The following ZC3H12B variants were observed in gnomAD, a reference collection of about 807,000 sequenced individuals.
ZC3H12B encodes the protein probable ribonuclease ZC3H12B.
Under a neutral mutation model 43.9 loss-of-function variants are expected in ZC3H12B, and 7 were observed. That is an observed-to-expected ratio of 0.16 (90% CI 0.09 to 0.30). ZC3H12B has a LOEUF of 0.30. Among genes scored for constraint, ZC3H12B ranks in the 10% least tolerant of loss-of-function variants. The pLI is 1.00. For synonymous variants in ZC3H12B, 222 were observed against 241.7 expected (o/e 0.92, Z 0.76); for missense variants, 475 against 670.2 (o/e 0.71, Z 3.22).
chrX:65,233,560 A>T, the ZC3H12B span, among the ~76,000 whole-genome samples: 468 of 110,547 alleles, frequency 4.2e-3, no homozygotes, highest in Non-Finnish European at 6.4e-3. Context: ...AATGAAAATT[A>T]AAACAAAACA....
chrX:65,471,862 A>T (rs751492384), intron 3 of ZC3H12B, among the ~76,000 whole-genome samples: 1 of 111,389 alleles, frequency 9.0e-6, no homozygotes, highest in Non-Finnish European at 1.9e-5. Flanking sequence ...CATTATGAGG[A>T]TTGTTACTTA....
At chrX:65,249,646 A>C in the ZC3H12B span, among the ~76,000 whole-genome samples, 3 of 111,562 alleles carry the variant, frequency 2.7e-5, no homozygotes, top group Non-Finnish European at 5.6e-5. Context: ...TGCTTTTGGC[A>C]GTATGATCAT....
chrX:65,282,864 A>C, the ZC3H12B span, among the ~76,000 whole-genome samples: 4 of 111,710 alleles, frequency 3.6e-5, no homozygotes, highest in African/African-American at 1.3e-4. Context: ...CCAGGACCTG[A>C]CGGATTCACA....
the ZC3H12B span, among the ~76,000 whole-genome samples, chrX:65,064,280 T>C: frequency 8.9e-6 from 1 of 112,190 alleles, no homozygotes; most frequent in East Asian, 2.8e-4. Context: ...GTTTCTGATG[T>C]GGGTATTTAA....
At chrX:65,230,614 A>G in the ZC3H12B span, among the ~76,000 whole-genome samples, 1 of 108,919 alleles carries the variant, frequency 9.2e-6, no homozygotes, top group Non-Finnish European at 1.9e-5. Context: ...CCAGCGCCAA[A>G]AAAAAAAAAA....
intron 2 of ZC3H12B, among the ~76,000 whole-genome samples, chrX:65,378,156 G>A (rs1346670988): frequency 1.8e-5 from 2 of 110,013 alleles, no homozygotes; most frequent in Non-Finnish European, 3.8e-5. Context: ...TAAGCACAAA[G>A]GAAAATTCAA....
chrX:65,281,991 G>A, the ZC3H12B span, among the ~76,000 whole-genome samples: 11 of 111,783 alleles, frequency 9.8e-5, no homozygotes, highest in Admixed American at 1.9e-4. Flanking sequence ...CCACATTAAA[G>A]AATGATTTAA....
the ZC3H12B span, among the ~76,000 whole-genome samples, chrX:65,218,339 G>C: frequency 8.9e-6 from 1 of 112,365 alleles, no homozygotes; most frequent in Non-Finnish European, 1.9e-5. Flanking sequence ...GAAGTGGATT[G>C]CCACTGCAGG....
At chrX:65,069,601 G>A in the ZC3H12B span, among the ~76,000 whole-genome samples, 1 of 111,522 alleles carries the variant, frequency 9.0e-6, no homozygotes, top group African/African-American at 3.3e-5. Context: ...GAAGTCAACA[G>A]GTGGCAAAGC....
At chrX:65,324,739 T>C in the ZC3H12B span, among the ~76,000 whole-genome samples, 1 of 111,435 alleles carries the variant, frequency 9.0e-6, no homozygotes, top group Non-Finnish European at 1.9e-5. Context: ...TGGAGAATGT[T>C]TCATGGGTAC....
chrX:65,169,175 C>T, the ZC3H12B span, among the ~76,000 whole-genome samples: 1 of 111,720 alleles, frequency 9.0e-6, no homozygotes, highest in African/African-American at 3.3e-5. Flanking sequence ...TCATTTAGTG[C>T]TATAAATTTT....
the ZC3H12B span, among the ~76,000 whole-genome samples, chrX:65,241,219 A>G: frequency 8.9e-6 from 1 of 112,745 alleles, no homozygotes; most frequent in South Asian, 3.6e-4. Flanking sequence ...TTAGGAAGAG[A>G]TCAAAGTTCT....
upstream of ZC3H12B, among the ~76,000 whole-genome samples, chrX:65,485,867 T>A (rs1377062237): frequency 8.9e-6 from 1 of 112,123 alleles, no homozygotes; most frequent in Non-Finnish European, 1.9e-5. Flanking sequence ...TAATTATGAA[T>A]TATATGATTA....
At chrX:65,146,550 A>T in the ZC3H12B span, among the ~76,000 whole-genome samples, 1 of 111,096 alleles carries the variant, frequency 9.0e-6, no homozygotes, top group Non-Finnish European at 1.9e-5. Context: ...TTGTCATATT[A>T]CCTGAGTTGG....
the ZC3H12B span, among the ~76,000 whole-genome samples, chrX:65,177,191 C>G: frequency 4.5e-5 from 5 of 112,091 alleles, no homozygotes; most frequent in Non-Finnish European, 9.4e-5. Flanking sequence ...ATGAGTATCT[C>G]AATAGATGCA....
At chrX:65,240,269 T>C in the ZC3H12B span, among the ~76,000 whole-genome samples, 3 of 111,832 alleles carry the variant, frequency 2.7e-5, no homozygotes. Context: ...GTTTAGTTTG[T>C]TTTTTAATTT....
At chrX:65,274,273 G>A in the ZC3H12B span, among the ~76,000 whole-genome samples, 4 of 111,627 alleles carry the variant, frequency 3.6e-5, no homozygotes, top group African/African-American at 6.5e-5. Context: ...CAGCTGCATT[G>A]CCCCAGATTA....
At chrX:65,441,179 T>C (rs2067296613) in intron 3 of ZC3H12B, among the ~76,000 whole-genome samples, 1 of 112,031 alleles carries the variant, frequency 8.9e-6, no homozygotes, top group African/African-American at 3.3e-5. Flanking sequence ...AATAAATCTC[T>C]TCCCTATAAA....
At chrX:65,140,119 A>T in the ZC3H12B span, among the ~76,000 whole-genome samples, 18 of 111,254 alleles carry the variant, frequency 1.6e-4, no homozygotes, top group Non-Finnish European at 3.4e-4. Flanking sequence ...AAGGAATGCC[A>T]GTACTATGTT....
Sources: allele counts gnomAD v4.1 joint callset (sites outside exome capture counted in the v4.1 genomes callset), GRCh38; gene constraint gnomAD v4.1.1; transcripts MANE v1.5; gene names NCBI Gene and HGNC (gene_info 2026-07-23, HGNC 2026-07-21).